The following SLCO4C1 variants were observed in gnomAD, a reference collection of about 807,000 sequenced individuals.
SLCO4C1 encodes the protein organic anion transporter M1.
SLCO4C1 carries 58 observed loss-of-function variants against 72.1 expected under a neutral mutation model. The ratio of observed to expected loss-of-function variants is 0.80; its 90% CI spans 0.65 to 1.00. The LOEUF (loss-of-function observed/expected upper bound fraction) is 1.00. Ranked by LOEUF, SLCO4C1 falls within the 50% of genes least tolerant of loss-of-function variation. The probability of loss-of-function intolerance (pLI) is 0.00; values close to 1 mark genes in which losing one functional copy is unlikely to be tolerated. For missense variants in SLCO4C1, 898 were observed against 857.9 expected, an observed-to-expected ratio of 1.05 and a Z score of -0.58; for synonymous variants, 297 against 312.5, an observed-to-expected ratio of 0.95 and a Z score of 0.52.
chr5:102,288,077 C>T (rs1749489782), intron 2 of SLCO4C1, among the ~76,000 whole-genome samples: 1 of 152,056 alleles, frequency 6.6e-6, no homozygotes, highest in Admixed American at 6.5e-5. Flanking sequence ...ACTAATATAT[C>T]CCTTCCTGAA....
At chr5:102,239,183 C>T in intron 12 of SLCO4C1, 68 bp downstream of exon 12, 1 of 1,404,858 alleles carries the variant, frequency 7.1e-7, no homozygotes, top group Non-Finnish European at 9.4e-7. Context: ...CCTAAGTAAC[C>T]AACAATGAGA....
intron 1 of SLCO4C1, 71 bp from the exon 2 acceptor site, chr5:102,291,677 G>T: frequency 7.7e-7 from 1 of 1,298,896 alleles, no homozygotes; most frequent in Non-Finnish European, 1.0e-6. Context: ...ACACAATGAA[G>T]TAGAGTTTGA....
intron 11 of SLCO4C1, among the ~76,000 whole-genome samples, chr5:102,239,942 A>T (rs1297224222): frequency 6.6e-6 from 1 of 152,090 alleles, no homozygotes; most frequent in African/African-American, 2.4e-5. Flanking sequence ...CTCAACTTCC[A>T]TATAGTTAAG....
intron 11 of SLCO4C1, among the ~76,000 whole-genome samples, chr5:102,239,970 A>T (rs1432572729): frequency 6.6e-6 from 1 of 152,028 alleles, no homozygotes; most frequent in African/African-American, 2.4e-5. Context: ...CAATTATTTG[A>T]GGTTGTAATT....
intron 2 of SLCO4C1, among the ~76,000 whole-genome samples, chr5:102,274,628 C>T (rs1195380477): frequency 6.6e-6 from 1 of 152,124 alleles, no homozygotes; most frequent in African/African-American, 2.4e-5. Flanking sequence ...TGATAAGATT[C>T]CCAGGAGATG....
intron 3 of SLCO4C1, among the ~76,000 whole-genome samples, chr5:102,268,822 T>C (rs1749094934): frequency 6.6e-6 from 1 of 152,108 alleles, no homozygotes; most frequent in Non-Finnish European, 1.5e-5. Flanking sequence ...CCTTTAAGCA[T>C]TTTTTGTAGG....
intron 9 of SLCO4C1, among the ~76,000 whole-genome samples, chr5:102,248,404 G>T (rs1561367223): frequency 6.6e-6 from 1 of 152,078 alleles, no homozygotes; most frequent in Non-Finnish European, 1.5e-5. Flanking sequence ...AATTCTAGAA[G>T]ACAACTTGCT....
chr5:102,273,397 G>C (rs570101172), intron 2 of SLCO4C1, among the ~76,000 whole-genome samples: 20 of 152,236 alleles, frequency 1.3e-4, no homozygotes, highest in Admixed American at 1.3e-3. Flanking sequence ...ATATTCCCTT[G>C]TAAAGTCTGT....
At chr5:102,248,588 T>G (rs547220813) in intron 9 of SLCO4C1, among the ~76,000 whole-genome samples, 89 of 152,246 alleles carry the variant, frequency 5.8e-4, no homozygotes, top group African/African-American at 2.0e-3. Flanking sequence ...CTAAAACCCT[T>G]CCTAATAACT....
intron 8 of SLCO4C1, among the ~76,000 whole-genome samples, chr5:102,254,376 T>C (rs1748795698): frequency 6.6e-6 from 1 of 152,226 alleles, no homozygotes; most frequent in Non-Finnish European, 1.5e-5. Flanking sequence ...GTCTATTTCA[T>C]ATTTTGGTAA....
Position 102,260,321 on chromosome 5 carries a change from T to C in SLCO4C1, c.1022-2A>G. On this transcript the variant is annotated splice_acceptor_variant, in intron 5 of 12. Coordinates refer to ENST00000310954, the MANE Select transcript of SLCO4C1 (RefSeq NM_180991.5). LOFTEE classifies it high-confidence loss of function. ...TTCCAGCTTGAATTTCTGCTGTACCTAAAAAAAAAATATATATATATATAT... is the reference window on the plus strand; with the variant it reads ...TTCCAGCTTGAATTTCTGCTGTACCCAAAAAAAAAATATATATATATATAT... 2.5e-6 allele frequency: 1 copy of C among 406,344 alleles called. No individual in the cohort carries two copies. The highest frequency in any genetic ancestry group is 3.4e-6 in the Non-Finnish European group (1 of 291,708). The allele number at this position is 406,344 out of a possible 1,614,324, so 25.2% of individuals were successfully genotyped here.
In SLCO4C1 at chr5:102,286,554, T is replaced by C. The variant is rs183377631; in HGVS notation, c.619+4789A>G. Reference sequence around the variant, plus strand: ...AGTAAGTCAAAATGAATGTCAAATATGACTTATTTAAAAGTGTTTTGACAC... The same window carrying C: ...AGTAAGTCAAAATGAATGTCAAATACGACTTATTTAAAAGTGTTTTGACAC... On this transcript the variant is annotated intron_variant, in intron 2 of 12. Transcript: ENST00000310954. 7.1e-3 allele frequency among the ~76,000 whole-genome samples: 1,078 copies of C among 152,244 alleles called. 7 individuals are homozygous for C. The highest frequency in any genetic ancestry group is 8.0e-3 in the Non-Finnish European group (543 of 67,956).
At chr5:102,285,056 T>C (rs1749424810) in intron 2 of SLCO4C1, among the ~76,000 whole-genome samples, 1 of 152,110 alleles carries the variant, frequency 6.6e-6, no homozygotes, top group Admixed American at 6.6e-5. Context: ...AATCAGACAC[T>C]AAAATGGACA....
chr5:102,286,226 A>T (rs1749449788), intron 2 of SLCO4C1, among the ~76,000 whole-genome samples: 1 of 152,182 alleles, frequency 6.6e-6, no homozygotes, highest in Non-Finnish European at 1.5e-5. Context: ...GATGGAAAAG[A>T]GAAACAAAGA....
intron 3 of SLCO4C1, among the ~76,000 whole-genome samples, chr5:102,268,403 T>C (rs1228125667): frequency 6.6e-6 from 1 of 152,176 alleles, no homozygotes; most frequent in African/African-American, 2.4e-5. Context: ...TTTTGTCTAA[T>C]TTAAATATAG....
chr5:102,285,262 C>T (rs1192918952), intron 2 of SLCO4C1, among the ~76,000 whole-genome samples: 2 of 149,240 alleles, frequency 1.3e-5, no homozygotes, highest in Non-Finnish European at 2.9e-5. Flanking sequence ...CATATATACA[C>T]ACACACACAC....
chr5:102,247,917 C>CTTTTTTT (rs55692838), intron 9 of SLCO4C1, among the ~76,000 whole-genome samples: 1 of 107,436 alleles, frequency 9.3e-6, no homozygotes, highest in African/African-American at 3.4e-5. Flanking sequence ...AGGCCAGAAA[C>CTTTTTTT]TTTTTTTTTT....
In SLCO4C1 at chr5:102,236,890, G is replaced by A; in HGVS notation, c.2143C>T (p.Gln715Ter). 1 of 1,612,540 alleles carries A rather than the reference G, an allele frequency of 6.2e-7. No individual in the cohort carries two copies. Among genetic ancestry groups the A allele is most frequent in the Non-Finnish European group, 8.5e-7 (1 of 1,179,592 alleles). Residue 715 changes from glutamine (Q) to a stop codon, truncating the protein, a stop_gained, in exon 13 of 13, where the codon CAG becomes TAG. Coordinates refer to ENST00000310954, the MANE Select transcript of SLCO4C1 (RefSeq NM_180991.5). LOFTEE classifies it high-confidence loss of function. Reference protein sequence around the residue: ...NAVVTNVLAEQDLNKIVKEG With the variant: ...NAVVTNVLAE ...TCTTTTACTATTTTGTTGAGATCCTGTTCTGCTAAAACATTAGTCACAACT... is the reference window on the plus strand; with the variant it reads ...TCTTTTACTATTTTGTTGAGATCCTATTCTGCTAAAACATTAGTCACAACT...
chr5:102,239,224 TA>T, intron 12 of SLCO4C1, 26 bp downstream of exon 12: 1 of 1,523,828 alleles, frequency 6.6e-7, no homozygotes. Flanking sequence ...TAGTTTACTC[TA>T]AAATTATCAA....
Sources: gnomAD v4.1 joint callset for allele counts (sites outside exome capture counted in the v4.1 genomes callset) on GRCh38, gnomAD v4.1.1 for gene constraint, MANE v1.5 for transcripts, NCBI Gene and HGNC (gene_info 2026-07-23, HGNC 2026-07-21) for gene names.